EYA4: variants seen among roughly 807,000 people sequenced by gnomAD.
The protein encoded by EYA4 is protein phosphatase EYA4.
A neutral mutation model predicts 87.9 loss-of-function variants in EYA4; 31 were observed. The observed-to-expected ratio is 0.35, with a 90% confidence interval of 0.27 to 0.48. The LOEUF (loss-of-function observed/expected upper bound fraction) is 0.48, where lower values mean the gene tolerates loss of function less well. Ranked by LOEUF, EYA4 falls within the 20% of genes least tolerant of loss-of-function variation. The pLI is 0.99. For missense variants in EYA4, 678 were observed against 761.4 expected, an observed-to-expected ratio of 0.89 and a Z score of 1.29; for synonymous variants, 263 against 270.6, an observed-to-expected ratio of 0.97 and a Z score of 0.28.
At chr6:133,252,983 A>T (rs1027016368) in intron 1 of EYA4, among the ~76,000 whole-genome samples, 42 of 116,224 alleles carry the variant, frequency 3.6e-4, no homozygotes, top group African/African-American at 1.1e-3. Flanking sequence ...ACACACACAC[A>T]CACACACTCA....
At chr6:133,267,368 A>G (rs1423589483) in intron 1 of EYA4, among the ~76,000 whole-genome samples, 2 of 151,884 alleles carry the variant, frequency 1.3e-5, no homozygotes, top group Non-Finnish European at 2.9e-5. Context: ...ATTCACAATC[A>G]ACAATGTTCA....
At chr6:133,512,071 G>A (rs1024129374) in intron 14 of EYA4, among the ~76,000 whole-genome samples, 4 of 151,742 alleles carry the variant, frequency 2.6e-5, no homozygotes, top group Admixed American at 6.6e-5. Context: ...ATGATAAATC[G>A]TCATTATTTC....
intron 3 of EYA4, among the ~76,000 whole-genome samples, chr6:133,393,428 G>A (rs936571117): frequency 5.8e-4 from 88 of 152,134 alleles, no homozygotes; most frequent in African/African-American, 2.1e-3. Flanking sequence ...AAATAAAATA[G>A]GGAGGATCAG....
chr6:133,277,952 C>CT (rs1219201289), intron 2 of EYA4, among the ~76,000 whole-genome samples: 3 of 152,122 alleles, frequency 2.0e-5, no homozygotes, highest in Non-Finnish European at 4.4e-5. Context: ...TCTTGTTTTA[C>CT]TTTAAGTTGC....
intron 1 of EYA4, among the ~76,000 whole-genome samples, chr6:133,254,423 A>G (rs1349915811): frequency 6.6e-6 from 1 of 152,100 alleles, no homozygotes; most frequent in Admixed American, 6.6e-5. Context: ...GCTGAGGGAA[A>G]TTACATCTTT....
chr6:133,324,904 ATTTTTTTTTTTT>A (rs756478373), intron 2 of EYA4, among the ~76,000 whole-genome samples: 30 of 83,586 alleles, frequency 3.6e-4, no homozygotes, highest in East Asian at 2.5e-3. Flanking sequence ...TTCAGAAGCT[ATTTTTTTTTTTT>A]TTTTTTTTTT....
chr6:133,396,694 TGAG>T lies in EYA4; in HGVS notation c.83+14257_83+14259del, dbSNP rs1430626133. 5.9e-5 allele frequency among the ~76,000 whole-genome samples: 9 copies of T among 152,118 alleles called. No homozygotes were observed. The South Asian group carries it at 1.0e-3, about 18-fold the overall frequency. ...TGAAAACCATGGTATAGAGAAAAAA[TGAG>T]GAGAGGGTGTGTTTGTGTGTGTGTC... On this transcript the variant is annotated intron_variant, in intron 3 of 19. Coordinates refer to ENST00000355286, the MANE Select transcript of EYA4 (RefSeq NM_004100.5).
At chr6:133,330,016 A>G (rs1423604183) in intron 2 of EYA4, among the ~76,000 whole-genome samples, 1 of 152,098 alleles carries the variant, frequency 6.6e-6, no homozygotes, top group Admixed American at 6.6e-5. Context: ...TGACCATTTA[A>G]TGAAACAATG....
At chr6:133,370,584 G>A (rs893555781) in intron 2 of EYA4, among the ~76,000 whole-genome samples, 15 of 152,132 alleles carry the variant, frequency 9.9e-5, no homozygotes, top group Non-Finnish European at 2.2e-4. Flanking sequence ...TGTTAATGTT[G>A]GGAGAAATGC....
intron 13 of EYA4, among the ~76,000 whole-genome samples, chr6:133,487,996 G>A (rs1357387407): frequency 1.3e-5 from 2 of 152,140 alleles, no homozygotes; most frequent in African/African-American, 2.4e-5. Flanking sequence ...GGTCAGAGGG[G>A]TGCCCACTGC....
intron 2 of EYA4, among the ~76,000 whole-genome samples, chr6:133,281,704 T>C (rs2128282313): frequency 6.6e-6 from 1 of 152,288 alleles, no homozygotes; most frequent in East Asian, 1.9e-4. Flanking sequence ...GGGGTATGAT[T>C]GATGCCAGCA....
At chr6:133,351,053 G>C (rs764573594) in intron 2 of EYA4, among the ~76,000 whole-genome samples, 13 of 150,958 alleles carry the variant, frequency 8.6e-5, no homozygotes, top group Non-Finnish European at 1.6e-4. Context: ...GCTGTTGACT[G>C]TCTGGGTTTT....
At position 133,268,108 on chromosome 6, in the gene EYA4, C is replaced by A. The variant is rs1776375268; in HGVS notation, c.-65-6608C>A. Among the ~76,000 whole-genome samples the A allele has an allele frequency of 2.0e-5, 3 of 152,204 alleles. No homozygotes were observed. The South Asian group carries it at 6.2e-4, about 32-fold the overall frequency. On this transcript the variant is annotated intron_variant, in intron 1 of 19. Transcript: ENST00000355286. ...TCAGTAACTGAAAGTGAACGCTTTT[C>A]CATATATTAGTTTATTATTTACATT... is the stretch of plus-strand genomic sequence containing the variant.
chr6:133,282,476 G>T (rs1026355515), intron 2 of EYA4, among the ~76,000 whole-genome samples: 5 of 152,066 alleles, frequency 3.3e-5, no homozygotes, highest in African/African-American at 1.2e-4. Context: ...AGTTTATGAA[G>T]ATTCAGCACA....
intron 13 of EYA4, among the ~76,000 whole-genome samples, chr6:133,498,579 G>C (rs1261536619): frequency 1.3e-5 from 2 of 152,172 alleles, no homozygotes; most frequent in African/African-American, 4.8e-5. Context: ...GTGTTGCAGA[G>C]AAGTAGCACT....
intron 7 of EYA4, chr6:133,461,975 A>T: frequency 2.9e-6 from 1 of 342,342 alleles, no homozygotes; most frequent in Non-Finnish European, 5.6e-6. Context: ...TGAGCATATT[A>T]ATTAGCTAGT....
chr6:133,381,917 A>T (rs1786260623), intron 2 of EYA4, among the ~76,000 whole-genome samples: 1 of 152,136 alleles, frequency 6.6e-6, no homozygotes, highest in African/African-American at 2.4e-5. Flanking sequence ...TGATATGTTG[A>T]GACATATATA....
chr6:133,451,735 T>C (rs1793460459), intron 5 of EYA4, among the ~76,000 whole-genome samples: 1 of 152,170 alleles, frequency 6.6e-6, no homozygotes, highest in Non-Finnish European at 1.5e-5. Context: ...AGGGAGGGAA[T>C]ATTTGATTCT....
chr6:133,354,873 T>TTTG (rs760010693), intron 2 of EYA4, among the ~76,000 whole-genome samples: 5 of 152,090 alleles, frequency 3.3e-5, no homozygotes, highest in Non-Finnish European at 7.4e-5. Flanking sequence ...AATGTAGTGT[T>TTTG]TTGTTGTTGT....
Sources: allele counts gnomAD v4.1 joint callset (sites outside exome capture counted in the v4.1 genomes callset), GRCh38; gene constraint gnomAD v4.1.1; transcripts MANE v1.5; gene names NCBI Gene and HGNC (gene_info 2026-07-23, HGNC 2026-07-21).